ARL3: variants seen among roughly 807,000 people sequenced by gnomAD.
ARL3 encodes ARF like GTPase 3, also known as ADP-ribosylation factor-like protein 3.
In ARL3, 9 loss-of-function variants were observed where a neutral mutation model predicts 26.0. The observed-to-expected ratio is 0.35, with a 90% CI of 0.21 to 0.60. The LOEUF is 0.60. ARL3 is among the 20% of genes least tolerant of loss of function. ARL3 has a pLI of 0.78. For synonymous variants in ARL3, 71 were observed against 78.4 expected, an observed-to-expected ratio of 0.91 and a Z score of 0.50; for missense variants, 158 against 215.7, an observed-to-expected ratio of 0.73 and a Z score of 1.67.
intron 4 of ARL3, among the ~76,000 whole-genome samples, chr10:102,689,433 CAAACA>C (rs1002620492): frequency 3.9e-5 from 6 of 152,140 alleles, no homozygotes; most frequent in South Asian, 2.1e-4. Context: ...TAAAGGTTAA[CAAACA>C]AAACAAAACA....
At chr10:102,710,968 T>C (rs2064335674) in intron 1 of ARL3, among the ~76,000 whole-genome samples, 1 of 152,230 alleles carries the variant, frequency 6.6e-6, no homozygotes, top group South Asian at 2.1e-4. Context: ...AATGCGTTGG[T>C]ATATGGAAAA....
chr10:102,681,355 G>A lies in ARL3; in HGVS notation c.502-4414C>T, dbSNP rs189719410. On this transcript the variant is annotated intron_variant, in intron 5 of 5. Transcript: ENST00000260746. ...TGCAGTGAGCCAAGGTTGTGCCATC[G>A]CATTCCAGCCTGGGCAAGAAGAGCG... 1.3e-3 allele frequency among the ~76,000 whole-genome samples: 182 copies of A among 144,596 alleles called. 1 individual carries two copies. Among genetic ancestry groups the A allele is most frequent in the African/African-American group, 4.2e-3 (165 of 38,976 alleles). 94.9% of individuals were successfully genotyped at this position (144,596 alleles called of 152,430 possible).
At chr10:102,708,583 G>A (rs1461169406) in intron 1 of ARL3, among the ~76,000 whole-genome samples, 1 of 152,060 alleles carries the variant, frequency 6.6e-6, no homozygotes, top group Non-Finnish European at 1.5e-5. Flanking sequence ...TTGGCCGGGT[G>A]TGGTGGCTCA....
intron 3 of ARL3, among the ~76,000 whole-genome samples, chr10:102,692,327 T>C (rs1439741519): frequency 6.6e-6 from 1 of 152,238 alleles, no homozygotes; most frequent in Non-Finnish European, 1.5e-5. Context: ...GATGAACAGA[T>C]AGGAATGTAA....
intron 1 of ARL3, among the ~76,000 whole-genome samples, chr10:102,707,436 G>A (rs1184987946): frequency 2.0e-5 from 3 of 151,954 alleles, no homozygotes; most frequent in African/African-American, 7.3e-5. Flanking sequence ...TTGTTCTAAC[G>A]ACACATGGCT....
At chr10:102,695,175 C>A (rs1329042439) in intron 3 of ARL3, among the ~76,000 whole-genome samples, 1 of 152,174 alleles carries the variant, frequency 6.6e-6, no homozygotes, top group African/African-American at 2.4e-5. Context: ...AAGTAACTTG[C>A]TGTGATTTTG....
intron 1 of ARL3, 49 bp from the exon 2 acceptor site, chr10:102,705,538 A>G (rs1564733603): frequency 2.0e-5 from 30 of 1,469,708 alleles, no homozygotes; most frequent in Non-Finnish European, 2.7e-5. Context: ...ACTGACTGTG[A>G]TATTAACTGG....
intron 5 of ARL3, among the ~76,000 whole-genome samples, chr10:102,681,453 A>G (rs2064156003): frequency 6.6e-6 from 1 of 151,904 alleles, no homozygotes. Context: ...CAAATCAAGG[A>G]AAAAGAAGCA....
At chr10:102,696,744 C>T (rs1467617274) in intron 3 of ARL3, among the ~76,000 whole-genome samples, 2 of 152,270 alleles carry the variant, frequency 1.3e-5, no homozygotes, top group African/African-American at 4.8e-5. Context: ...AGGAATGGGA[C>T]TCCCATTTAC....
chr10:102,696,914 G>C (rs975453712), intron 3 of ARL3, among the ~76,000 whole-genome samples: 4 of 152,180 alleles, frequency 2.6e-5, no homozygotes, highest in African/African-American at 9.7e-5. Flanking sequence ...ACAGGGGCAT[G>C]TTCTGAGAAA....
At chr10:102,706,174 G>A (rs1050885034) in intron 1 of ARL3, among the ~76,000 whole-genome samples, 1 of 151,992 alleles carries the variant, frequency 6.6e-6, no homozygotes, top group Admixed American at 6.6e-5. Context: ...TTTTATCGCC[G>A]GGCACGGTGG....
At chr10:102,700,027 G>A (rs993917356) in intron 2 of ARL3, among the ~76,000 whole-genome samples, 5 of 152,188 alleles carry the variant, frequency 3.3e-5, no homozygotes, top group Non-Finnish European at 7.3e-5. Context: ...TATGGGGGAG[G>A]CTGGGTTTGT....
At chr10:102,712,388 C>T (rs1332978553) in intron 1 of ARL3, among the ~76,000 whole-genome samples, 1 of 152,004 alleles carries the variant, frequency 6.6e-6, no homozygotes, top group African/African-American at 2.4e-5. Flanking sequence ...ACAGCTCACG[C>T]TTGTGGAGAT....
intron 3 of ARL3, among the ~76,000 whole-genome samples, chr10:102,694,807 C>T (rs191058645): frequency 5.0e-4 from 76 of 152,268 alleles, no homozygotes; most frequent in African/African-American, 1.5e-3. Flanking sequence ...CAACCTCTGC[C>T]TCCTGGGTTC....
chr10:102,686,488 G>A (rs188752055), intron 4 of ARL3, among the ~76,000 whole-genome samples: 1,909 of 144,486 alleles, frequency 0.013, 36 homozygotes, highest in South Asian at 0.062. Flanking sequence ...TTTTGAGACA[G>A]GGTCTCGCTC....
intron 4 of ARL3, among the ~76,000 whole-genome samples, chr10:102,688,815 A>AT (rs1192906921): frequency 6.6e-6 from 1 of 152,016 alleles, no homozygotes; most frequent in Non-Finnish European, 1.5e-5. Flanking sequence ...TGGCATGTGC[A>AT]TTTTTTCCTG....
chr10:102,696,715 A>T (rs1287498238), intron 3 of ARL3, among the ~76,000 whole-genome samples: 1 of 152,206 alleles, frequency 6.6e-6, no homozygotes, highest in Non-Finnish European at 1.5e-5. Context: ...GGAGCCAAGG[A>T]TGATTGCATT....
In ARL3 at chr10:102,714,325, T is replaced by A. The variant is rs756196713; in HGVS notation, c.-50A>T. 6.9e-6 allele frequency: 9 copies of A among 1,302,974 alleles called. No homozygotes were observed. Among genetic ancestry groups the A allele is most frequent in the Non-Finnish European group, 8.8e-6 (9 of 1,017,680 alleles). 80.7% of individuals were successfully genotyped at this position (1,302,974 alleles called of 1,614,324 possible). A position where few individuals can be genotyped will look rare whatever the true frequency, so the allele number is the denominator to read the frequency against. On this transcript the variant is annotated 5_prime_UTR_variant, in exon 1 of 6. Transcript: ENST00000260746. ...CTCCTCCTCCTGCTGCCTCCCCCGT[T>A]ACCAGGGGCAACTGCTGCGGCGCCG...
At position 102,685,912 on chromosome 10, in the gene ARL3, A is replaced by T. The variant is rs764638372; in HGVS notation, c.405T>A (p.Pro135=). Residue 135 remains proline, a synonymous_variant, in exon 5 of 6, where the codon CCT becomes CCA. Transcript: ENST00000260746. ...TCAGTCCTTCTGCAATTTCAGAGGC[A>T]GGGGCTGCTGTGAGCAAATCCTGCT... ...ANKQDLLTAA[P]ASEIAEGLNL... is the part of the protein sequence containing the mutation. The T allele has an allele frequency of 6.2e-7, 1 of 1,614,190 alleles. No individual in the cohort carries two copies. The highest frequency in any genetic ancestry group is 8.5e-7 in the Non-Finnish European group (1 of 1,180,034).
Sources: allele counts gnomAD v4.1 joint callset (sites outside exome capture counted in the v4.1 genomes callset), GRCh38; gene constraint gnomAD v4.1.1; transcripts MANE v1.5; gene names NCBI Gene and HGNC (gene_info 2026-07-23, HGNC 2026-07-21).